F13A1: variants seen among roughly 807,000 people sequenced by gnomAD.
The protein encoded by F13A1 is FSF, A subunit.
Under a neutral mutation model 80.1 loss-of-function variants are expected in F13A1, and 47 were observed. That is an observed-to-expected ratio of 0.59 (90% CI 0.46 to 0.75). The LOEUF (loss-of-function observed/expected upper bound fraction) is 0.75, where lower values mean the gene tolerates loss of function less well. Ranked by LOEUF, F13A1 falls within the 30% of genes least tolerant of loss-of-function variation. The pLI is 0.00. For missense variants in F13A1, 817 were observed against 930.4 expected (o/e 0.88, Z 1.59); for synonymous variants, 349 against 344.9 (o/e 1.01, Z -0.13).
chr6:6,313,536 C>G (rs1399224871), intron 2 of F13A1, among the ~76,000 whole-genome samples: 1 of 151,974 alleles, frequency 6.6e-6, no homozygotes, highest in Non-Finnish European at 1.5e-5. Context: ...AATGATTATA[C>G]CTGTCACAGA....
At chr6:6,174,520 C>T (rs1329279073) in intron 12 of F13A1, 60 bp downstream of exon 12, 2 of 1,582,910 alleles carry the variant, frequency 1.3e-6, no homozygotes, top group Non-Finnish European at 1.7e-6. Flanking sequence ...GGCATTAACA[C>T]CTAGCAAGAC....
chr6:6,171,775 G>A (rs1198219033), intron 12 of F13A1, among the ~76,000 whole-genome samples: 1 of 152,180 alleles, frequency 6.6e-6, no homozygotes, highest in East Asian at 1.9e-4. Context: ...ACCCAGCACT[G>A]CCCCCTTGCC....
At chr6:6,225,381 G>C (rs1375468184) in intron 6 of F13A1, among the ~76,000 whole-genome samples, 1 of 152,210 alleles carries the variant, frequency 6.6e-6, no homozygotes, top group Non-Finnish European at 1.5e-5. Flanking sequence ...TTGAGTGGTA[G>C]ACTCTAATGA....
intron 7 of F13A1, among the ~76,000 whole-genome samples, chr6:6,222,545 A>G (rs1757210042): frequency 6.6e-6 from 1 of 152,226 alleles, no homozygotes; most frequent in African/African-American, 2.4e-5. Context: ...GAAGTTAGGA[A>G]TTTACAGAGT....
At chr6:6,222,316 A>C (rs1386683460) in intron 7 of F13A1, 145 bp from the exon 8 acceptor site, 1 of 1,155,146 alleles carries the variant, frequency 8.7e-7, no homozygotes, top group African/African-American at 1.5e-5. Context: ...TCCATGCTGG[A>C]AAAGGGTGGT....
chr6:6,318,560 C>A lies in F13A1; in HGVS notation c.105G>T (p.Val35=). 6.2e-7 allele frequency: 1 copy of A among 1,613,638 alleles called. No homozygotes were observed. The highest frequency in any genetic ancestry group is 1.1e-5 in the South Asian group (1 of 90,998). Residue 35 remains valine, a synonymous_variant, in exon 2 of 15, where the codon GTG becomes GTT. Coordinates refer to ENST00000264870, the MANE Select transcript of F13A1 (RefSeq NM_000129.4). ...DDLPTVELQG[V]VPRGVNLQEF... is the part of the protein sequence containing the mutation. ...CTTGCAGGTTGACGCCCCGGGGCAC[C>A]ACGCCCTGAAGCTCCACTGTGGGCA... is the stretch of plus-strand genomic sequence containing the variant.
chr6:6,280,016 T>A (rs1361301953), intron 3 of F13A1, among the ~76,000 whole-genome samples: 1 of 152,200 alleles, frequency 6.6e-6, no homozygotes, highest in African/African-American at 2.4e-5. Context: ...TAAAAGCAAG[T>A]GTTAAATGAG....
At chr6:6,170,492 GAGA>G in intron 12 of F13A1, among the ~76,000 whole-genome samples, 1 of 152,202 alleles carries the variant, frequency 6.6e-6, no homozygotes, top group Non-Finnish European at 1.5e-5. Flanking sequence ...AACGTGGCAG[GAGA>G]AGGAGGAATA....
At chr6:6,216,989 C>T (rs983604432) in intron 8 of F13A1, among the ~76,000 whole-genome samples, 2 of 150,098 alleles carry the variant, frequency 1.3e-5, no homozygotes, top group South Asian at 2.1e-4. Context: ...TACCATCTCA[C>T]ACCAGTTAGA....
chr6:6,210,414 G>A (rs775700986), intron 8 of F13A1, among the ~76,000 whole-genome samples: 38 of 143,466 alleles, frequency 2.6e-4, no homozygotes, highest in Admixed American at 5.0e-4. Flanking sequence ...GCACGATCTC[G>A]GCTCACTGAA....
intron 3 of F13A1, among the ~76,000 whole-genome samples, chr6:6,275,111 G>GA (rs1204353480): frequency 1.3e-5 from 2 of 152,058 alleles, no homozygotes; most frequent in East Asian, 3.9e-4. Flanking sequence ...AAAATGGTTT[G>GA]AGAGGGACAA....
chr6:6,305,499 T>C lies in F13A1; in HGVS notation c.171A>G (p.Arg57=). 1 of 1,614,222 alleles carries C rather than the reference T, an allele frequency of 6.2e-7. No individual in the cohort carries two copies. The highest frequency in any genetic ancestry group is 1.1e-5 in the South Asian group (1 of 91,084). The change falls in exon 3 of 15, where the codon AGA becomes AGG. Residue 57 remains arginine (R), a synonymous_variant. Coordinates refer to ENST00000264870, the MANE Select transcript of F13A1 (RefSeq NM_000129.4). ...NVTSVHLFKE[R]WDTNKVDHHT... is the part of the protein sequence containing the mutation. ...GGTGGTCCACCTTGTTAGTGTCCCA[T>C]CTCTCCTTGAACAGGTGAACGCTCG...
chr6:6,298,961 T>G (rs1186832519), intron 3 of F13A1, among the ~76,000 whole-genome samples: 1 of 144,804 alleles, frequency 6.9e-6, no homozygotes, highest in African/African-American at 2.8e-5. Context: ...CAAAATCTCT[T>G]AGCATTTGCT....
At chr6:6,219,701 G>C (rs1757163838) in intron 8 of F13A1, among the ~76,000 whole-genome samples, 3 of 152,080 alleles carry the variant, frequency 2.0e-5, no homozygotes, top group Admixed American at 2.0e-4. Context: ...TGTTTTCCTG[G>C]ACCACCTATA....
chr6:6,300,025 G>T (rs925296647), intron 3 of F13A1, among the ~76,000 whole-genome samples: 5 of 147,298 alleles, frequency 3.4e-5, no homozygotes, highest in East Asian at 3.9e-4. Flanking sequence ...GTGTCAGTGT[G>T]CCCCTGCTGG....
chr6:6,185,577 T>C (rs1761066328), intron 10 of F13A1, among the ~76,000 whole-genome samples: 1 of 151,960 alleles, frequency 6.6e-6, no homozygotes, highest in Non-Finnish European at 1.5e-5. Context: ...CTGCGTAGTA[T>C]TCCATGGTGT....
At chr6:6,244,337 T>G (rs1270028511) in intron 6 of F13A1, among the ~76,000 whole-genome samples, 1 of 152,228 alleles carries the variant, frequency 6.6e-6, no homozygotes, top group African/African-American at 2.4e-5. Context: ...GGCAAGTTTC[T>G]TCATTTTTTC....
rs887242633 is a variant in F13A1, at chr6:6,302,096, C to T, written c.319+3255G>A. On this transcript the variant is annotated intron_variant, in intron 3 of 14. Transcript: ENST00000264870. Reference sequence around the variant, plus strand: ...CATCTTACCAGTTTTTCTAAGACTTCCATTATCATAATTATTTTCTGAACG... The same window carrying T: ...CATCTTACCAGTTTTTCTAAGACTTTCATTATCATAATTATTTTCTGAACG... Among the ~76,000 whole-genome samples the T allele has an allele frequency of 4.6e-5, 7 of 152,322 alleles. No individual in the cohort carries two copies. The South Asian group carries it at 1.4e-3, about 32-fold the overall frequency.
At chr6:6,220,315 C>A (rs1757173591) in intron 8 of F13A1, among the ~76,000 whole-genome samples, 1 of 152,096 alleles carries the variant, frequency 6.6e-6, no homozygotes, top group South Asian at 2.1e-4. Flanking sequence ...AGTAAGGCAC[C>A]AAAGGAACAA....
Sources: gnomAD v4.1 joint callset for allele counts (sites outside exome capture counted in the v4.1 genomes callset) on GRCh38, gnomAD v4.1.1 for gene constraint, MANE v1.5 for transcripts, NCBI Gene and HGNC (gene_info 2026-07-23, HGNC 2026-07-21) for gene names.